Variants in CNTLN observed in about 807,000 individuals in gnomAD.
The protein encoded by CNTLN is centlein.
Under a neutral mutation model 180.0 loss-of-function variants are expected in CNTLN, and 212 were observed. That is an observed-to-expected ratio of 1.18 (90% CI 1.05 to 1.32). CNTLN has a LOEUF of 1.32. Among genes scored for constraint, CNTLN ranks in the 40% most tolerant of loss-of-function variants. The probability of loss-of-function intolerance (pLI) is 0.00; values close to 1 mark genes in which losing one functional copy is unlikely to be tolerated. For missense variants in CNTLN, 2,095 were observed against 1,610.9 expected (o/e 1.30, Z -5.14); for synonymous variants, 722 against 563.1 (o/e 1.28, Z -3.99).
chr9:17,335,924 T>C (rs1587692518), intron 10 of CNTLN, among the ~76,000 whole-genome samples: 1 of 51,984 alleles, frequency 1.9e-5, no homozygotes, highest in Non-Finnish European at 4.5e-5. Context: ...CGAGTCTGTC[T>C]CAAAAACAAA....
chr9:17,419,427 G>T (rs1281100206), intron 18 of CNTLN, among the ~76,000 whole-genome samples: 2 of 152,162 alleles, frequency 1.3e-5, no homozygotes, highest in East Asian at 1.9e-4. Context: ...GTAAAGATAC[G>T]AGTAAAAAAC....
Position 17,340,080 on chromosome 9 carries a change from C to T in CNTLN, c.1645-747C>T, listed in dbSNP as rs140474225. Among the ~76,000 whole-genome samples the T allele has an allele frequency of 4.6e-5, 7 of 152,064 alleles. No homozygotes were observed. The East Asian group carries it at 1.4e-3, about 29-fold the overall frequency. Reference sequence around the variant, plus strand: ...GCTGACATGGGAAGATTGCCTGAGCCCAGGAGTTTGAGACTGCAGTGAGCT... The same window carrying T: ...GCTGACATGGGAAGATTGCCTGAGCTCAGGAGTTTGAGACTGCAGTGAGCT... On this transcript the variant is annotated intron_variant, in intron 10 of 25. Transcript: ENST00000380647.
chr9:17,184,811 A>G (rs913756417), intron 2 of CNTLN, among the ~76,000 whole-genome samples: 2 of 152,204 alleles, frequency 1.3e-5, no homozygotes, highest in South Asian at 2.1e-4. Flanking sequence ...AAAACCTGAT[A>G]AGGACTAAGA....
chr9:17,303,477 C>T (rs1818507162), intron 7 of CNTLN, among the ~76,000 whole-genome samples: 1 of 152,008 alleles, frequency 6.6e-6, no homozygotes, highest in African/African-American at 2.4e-5. Context: ...TGATTGTATC[C>T]ATTTGGTTTC....
At chr9:17,399,462 G>C (rs1362265233) in intron 15 of CNTLN, among the ~76,000 whole-genome samples, 1 of 152,014 alleles carries the variant, frequency 6.6e-6, no homozygotes, top group African/African-American at 2.4e-5. Context: ...CTCCCTACTA[G>C]TGCATTTTAT....
chr9:17,310,095 A>G (rs1331420713), intron 8 of CNTLN, among the ~76,000 whole-genome samples: 1 of 152,118 alleles, frequency 6.6e-6, no homozygotes, highest in East Asian at 1.9e-4. Context: ...GCATATGACA[A>G]TTTAATTTAA....
At chr9:17,296,351 T>C (rs1817935698) in intron 6 of CNTLN, among the ~76,000 whole-genome samples, 1 of 152,074 alleles carries the variant, frequency 6.6e-6, no homozygotes, top group Non-Finnish European at 1.5e-5. Flanking sequence ...ATACATATAT[T>C]TTGTTGTACG....
intron 12 of CNTLN, among the ~76,000 whole-genome samples, chr9:17,364,328 C>T (rs1231817936): frequency 6.6e-6 from 1 of 152,118 alleles, no homozygotes; most frequent in African/African-American, 2.4e-5. Context: ...CCTCCTTCTG[C>T]TCTCTTCCAT....
At position 17,354,635 on chromosome 9, in the gene CNTLN, C is replaced by G. The variant is rs571291143; in HGVS notation, c.1887-11982C>G. Among the ~76,000 whole-genome samples, 42 of 152,098 alleles carry G rather than the reference C, an allele frequency of 2.8e-4. 1 individual carries two copies. The highest frequency in any genetic ancestry group is 9.9e-4 in the African/African-American group (41 of 41,496). On this transcript the variant is annotated intron_variant, in intron 12 of 25. Coordinates refer to ENST00000380647, the MANE Select transcript of CNTLN (RefSeq NM_017738.4). ...CTAATCTGATGGGGACGTGGAGAAC[C>G]TTTGTATCTAGCTCAGGGATTGTAA...
chr9:17,510,465 C>A, the CNTLN span, among the ~76,000 whole-genome samples: 1 of 152,250 alleles, frequency 6.6e-6, no homozygotes, highest in Non-Finnish European at 1.5e-5. Context: ...GTCAGACATT[C>A]TGGATGTTTC....
At chr9:17,519,259 T>A in the CNTLN span, among the ~76,000 whole-genome samples, 1 of 139,592 alleles carries the variant, frequency 7.2e-6, no homozygotes, top group Non-Finnish European at 1.6e-5. Flanking sequence ...TTTTTTTTTT[T>A]AATCAAAGAA....
chr9:17,208,881 A>G (rs1432324634), intron 2 of CNTLN, among the ~76,000 whole-genome samples: 3 of 151,796 alleles, frequency 2.0e-5, no homozygotes, highest in African/African-American at 4.8e-5. Context: ...AGGATTTGTC[A>G]ATGTTATGTA....
At chr9:17,221,742 G>A (rs1037438439) in intron 2 of CNTLN, among the ~76,000 whole-genome samples, 2 of 151,898 alleles carry the variant, frequency 1.3e-5, no homozygotes, top group Non-Finnish European at 2.9e-5. Flanking sequence ...TACTATCTCA[G>A]TATCCTAGAA....
intron 2 of CNTLN, among the ~76,000 whole-genome samples, chr9:17,163,854 C>T (rs1819857957): frequency 6.6e-6 from 1 of 150,620 alleles, no homozygotes; most frequent in African/African-American, 2.5e-5. Context: ...ACAGTGAAAC[C>T]CTGTCTCTAC....
chr9:17,353,948 G>T (rs1332470282), intron 12 of CNTLN, among the ~76,000 whole-genome samples: 1 of 152,164 alleles, frequency 6.6e-6, no homozygotes, highest in East Asian at 1.9e-4. Context: ...AGAGGCGTGA[G>T]CGGGAACCCG....
chr9:17,507,837 C>G (rs1422319832), downstream of CNTLN, among the ~76,000 whole-genome samples: 1 of 152,190 alleles, frequency 6.6e-6, no homozygotes, highest in Non-Finnish European at 1.5e-5. Context: ...CTTTCTTCAG[C>G]AGACACAGTC....
At chr9:17,241,608 T>C (rs1481255754) in intron 5 of CNTLN, among the ~76,000 whole-genome samples, 1 of 148,324 alleles carries the variant, frequency 6.7e-6, no homozygotes, top group African/African-American at 2.6e-5. Flanking sequence ...AGTATTTTGA[T>C]AGGGATTGCA....
At chr9:17,157,489 TA>T (rs1819377336) in intron 2 of CNTLN, among the ~76,000 whole-genome samples, 1 of 152,190 alleles carries the variant, frequency 6.6e-6, no homozygotes, top group South Asian at 2.1e-4. Context: ...ATGTGAAAGT[TA>T]ATTTTAATTA....
intron 3 of CNTLN, among the ~76,000 whole-genome samples, chr9:17,227,605 G>T (rs928090634): frequency 1.3e-5 from 2 of 151,684 alleles, no homozygotes; most frequent in East Asian, 1.9e-4. Flanking sequence ...CCAATTAAAG[G>T]TTCATGAGAA....
Sources: allele counts gnomAD v4.1 joint callset (sites outside exome capture counted in the v4.1 genomes callset), GRCh38; gene constraint gnomAD v4.1.1; transcripts MANE v1.5; gene names NCBI Gene and HGNC (gene_info 2026-07-23, HGNC 2026-07-21).